ADORA2B: variants seen among roughly 807,000 people sequenced by gnomAD.
The protein encoded by ADORA2B is adenosine A2b receptor.
In ADORA2B, 18 loss-of-function variants were observed where a neutral mutation model predicts 20.8. The observed-to-expected ratio is 0.87, with a 90% CI of 0.60 to 1.29. The LOEUF (loss-of-function observed/expected upper bound fraction) is 1.29. ADORA2B is among the 50% of genes most tolerant of loss of function. The pLI, the probability that ADORA2B is intolerant of heterozygous loss-of-function variation, is 0.00. For missense variants in ADORA2B, 441 were observed against 422.7 expected (o/e 1.04, Z -0.38); for synonymous variants, 179 against 178.3 (o/e 1.00, Z -0.03).
At position 15,974,718 on chromosome 17, in the gene ADORA2B, C is replaced by T. The variant is rs774629137; in HGVS notation, c.375C>T (p.Val125=). The T allele has an allele frequency of 5.6e-6, 9 of 1,614,098 alleles. No homozygotes were observed. Among genetic ancestry groups the T allele is most frequent in the Non-Finnish European group, 7.6e-6 (9 of 1,180,028 alleles). ...SLVTGTRARG[V]IAVLWVLAFG... ...TCACGGGGACCCGAGCAAGAGGGGT[C>T]ATTGCTGTCCTCTGGGTCCTTGCCT... Residue 125 remains valine (V), a synonymous_variant, in exon 2 of 2, where the codon GTC becomes GTT. Coordinates refer to ENST00000304222, the MANE Select transcript of ADORA2B (RefSeq NM_000676.4).
chr17:15,868,636 T>A, the ADORA2B span, among the ~76,000 whole-genome samples: 69 of 128,610 alleles, frequency 5.4e-4, 10 homozygotes, highest in East Asian at 0.013. Context: ...AAAAAATAGC[T>A]GGGCGTAGTG....
the ADORA2B span, among the ~76,000 whole-genome samples, chr17:15,890,046 T>C: frequency 7.7e-6 from 1 of 130,368 alleles, no homozygotes; most frequent in South Asian, 2.3e-4. Context: ...AGATGTGATA[T>C]TACTGGGTCA....
chr17:15,875,991 T>C, the ADORA2B span, among the ~76,000 whole-genome samples: 2 of 152,242 alleles, frequency 1.3e-5, no homozygotes, highest in Non-Finnish European at 2.9e-5. Flanking sequence ...TTGAGATCTC[T>C]CTGGAGCCTC....
At chr17:15,936,925 C>T in the ADORA2B span, among the ~76,000 whole-genome samples, 1 of 152,132 alleles carries the variant, frequency 6.6e-6, no homozygotes, top group Non-Finnish European at 1.5e-5. Context: ...CACTGCACTC[C>T]AGCCTGGACA....
chr17:15,945,482 C>T lies in ADORA2B; in HGVS notation c.234C>T (p.Cys78=). Reference sequence around the variant, plus strand: ...GCTTCTGCACTGACTTCTACGGCTGCCTCTTCCTCGCCTGCTTCGTGCTGG... The same window carrying T: ...GCTTCTGCACTGACTTCTACGGCTGTCTCTTCCTCGCCTGCTTCGTGCTGG... The part of the protein sequence containing the change: ...SLGFCTDFYG[C]LFLACFVLVL... Residue 78 remains cysteine (C), a synonymous_variant, in exon 1 of 2, where the codon TGC becomes TGT. Transcript: ENST00000304222. The T allele has an allele frequency of 6.2e-7, 1 of 1,612,956 alleles. No homozygotes were observed. The highest frequency in any genetic ancestry group is 2.2e-5 in the East Asian group (1 of 44,850).
the ADORA2B span, among the ~76,000 whole-genome samples, chr17:15,878,385 G>T: frequency 6.6e-6 from 1 of 152,296 alleles, no homozygotes; most frequent in East Asian, 1.9e-4. Context: ...TCTGCCACAG[G>T]TTGCTGCTGA....
chr17:15,910,938 T>C, the ADORA2B span, among the ~76,000 whole-genome samples: 1 of 152,214 alleles, frequency 6.6e-6, no homozygotes, highest in Admixed American at 6.5e-5. Flanking sequence ...TGTATCAGAA[T>C]CTTCAGGGCA....
At chr17:15,877,850 A>G in the ADORA2B span, among the ~76,000 whole-genome samples, 1 of 152,018 alleles carries the variant, frequency 6.6e-6, no homozygotes, top group Non-Finnish European at 1.5e-5. Context: ...ATTTTGTACC[A>G]TAGTCAGGTC....
chr17:15,887,530 C>T, the ADORA2B span, among the ~76,000 whole-genome samples: 3 of 130,646 alleles, frequency 2.3e-5, no homozygotes, highest in Admixed American at 1.5e-4. Context: ...TCATTCTGCC[C>T]ACCCTAGCAT....
At chr17:15,854,124 T>C in the ADORA2B span, among the ~76,000 whole-genome samples, 1 of 152,078 alleles carries the variant, frequency 6.6e-6, no homozygotes, top group Non-Finnish European at 1.5e-5. Context: ...CCTGGCTAAT[T>C]TTGTATTTTT....
chr17:15,913,783 C>T, the ADORA2B span, among the ~76,000 whole-genome samples: 1 of 152,342 alleles, frequency 6.6e-6, no homozygotes, highest in African/African-American at 2.4e-5. Flanking sequence ...CCCATATGTC[C>T]ATCTGGGTTA....
chr17:15,874,062 G>GTGTATATATATATATATATATA, the ADORA2B span, among the ~76,000 whole-genome samples: 3 of 99,584 alleles, frequency 3.0e-5, no homozygotes, highest in African/African-American at 9.3e-5. Context: ...ATATATATGT[G>GTGTATATATATATATATATATA]TGTGTGTATA....
intron 1 of ADORA2B, among the ~76,000 whole-genome samples, chr17:15,949,223 G>A (rs113590695): frequency 0.031 from 4,639 of 148,840 alleles, 241 homozygotes; most frequent in African/African-American, 0.11. Flanking sequence ...AAAAAAAATT[G>A]AGCTATAGTC....
the ADORA2B span, chr17:15,908,493 C>CT: frequency 6.4e-6 from 1 of 157,122 alleles, no homozygotes; most frequent in Non-Finnish European, 1.4e-5. Flanking sequence ...GGGGAAGGGT[C>CT]TGTAATGTCC....
At chr17:15,938,263 A>G in the ADORA2B span, among the ~76,000 whole-genome samples, 1 of 152,290 alleles carries the variant, frequency 6.6e-6, no homozygotes, top group Non-Finnish European at 1.5e-5. Context: ...AGATTTATCA[A>G]ATTTTTTCAT....
the ADORA2B span, among the ~76,000 whole-genome samples, chr17:15,869,678 A>G: frequency 3.3e-5 from 5 of 152,180 alleles, no homozygotes; most frequent in Non-Finnish European, 5.9e-5. Context: ...GCTGGGCACA[A>G]TCCACAGTGC....
the ADORA2B span, among the ~76,000 whole-genome samples, chr17:15,895,878 A>G: frequency 2.6e-5 from 4 of 152,080 alleles, no homozygotes; most frequent in Admixed American, 6.5e-5. Context: ...AAGGCCCTGC[A>G]CTCCCATAAA....
the ADORA2B span, among the ~76,000 whole-genome samples, chr17:15,923,494 T>C: frequency 2.6e-5 from 4 of 151,844 alleles, no homozygotes. Context: ...AACCTCCGCC[T>C]GCTGGGTTCA....
the ADORA2B span, chr17:15,850,468 C>G: frequency 2.0e-5 from 3 of 152,204 alleles, no homozygotes; most frequent in East Asian, 1.9e-4. Flanking sequence ...ACACTAAACA[C>G]CATGGAATAC....
Sources: allele counts gnomAD v4.1 joint callset (sites outside exome capture counted in the v4.1 genomes callset), GRCh38; gene constraint gnomAD v4.1.1; transcripts MANE v1.5; gene names NCBI Gene and HGNC (gene_info 2026-07-23, HGNC 2026-07-21).